The following DCTN6 variants were observed in gnomAD, a reference collection of about 807,000 sequenced individuals.
DCTN6 encodes the protein dynactin subunit 6.
Under a neutral mutation model 25.8 loss-of-function variants are expected in DCTN6, and 15 were observed. The ratio of observed to expected loss-of-function variants is 0.58; its 90% CI spans 0.39 to 0.89. The LOEUF is 0.89. DCTN6 is among the 40% of genes least tolerant of loss of function. The pLI, the probability that DCTN6 is intolerant of heterozygous loss-of-function variation, is 0.00. For synonymous variants in DCTN6, 64 were observed against 78.3 expected, an observed-to-expected ratio of 0.82 and a Z score of 0.96; for missense variants, 198 against 237.6, an observed-to-expected ratio of 0.83 and a Z score of 1.09.
At chr8:30,178,199 CAT>C (rs1803866805) in intron 4 of DCTN6, among the ~76,000 whole-genome samples, 1 of 152,118 alleles carries the variant, frequency 6.6e-6, no homozygotes, top group Non-Finnish European at 1.5e-5. Flanking sequence ...CACCGTGGTT[CAT>C]GTCCGTAATC....
chr8:30,180,980 C>G (rs1386246601), intron 6 of DCTN6: 2 of 311,600 alleles, frequency 6.4e-6, no homozygotes, highest in African/African-American at 4.3e-5. Context: ...GAGCCATGAT[C>G]ATGCCACTGC....
intron 2 of DCTN6, among the ~76,000 whole-genome samples, chr8:30,170,309 C>T (rs1803747054): frequency 6.6e-6 from 1 of 152,244 alleles, no homozygotes. Context: ...AGTTATTGCC[C>T]GTGACATTTG....
chr8:30,180,962 G>A, intron 6 of DCTN6: 1 of 338,398 alleles, frequency 3.0e-6, no homozygotes, highest in Non-Finnish European at 5.3e-6. Flanking sequence ...TGAGTGTGAG[G>A]TTACCATGAG....
chr8:30,158,698 T>G (rs546587238), intron 1 of DCTN6, among the ~76,000 whole-genome samples: 4 of 133,914 alleles, frequency 3.0e-5, no homozygotes, highest in Admixed American at 2.8e-4. Context: ...TTCAGTAGAT[T>G]GACTTTTTTT....
intron 1 of DCTN6, among the ~76,000 whole-genome samples, chr8:30,163,057 GGAGGCT>G (rs1328977367): frequency 7.2e-5 from 11 of 151,936 alleles, no homozygotes; most frequent in Non-Finnish European, 1.6e-4. Flanking sequence ...CAGCACTTTG[GGAGGCT>G]GAGGTGGGTG....
chr8:30,183,198 C>T lies in DCTN6; in HGVS notation c.*25C>T, dbSNP rs764035942. On this transcript the variant is annotated 3_prime_UTR_variant, in exon 7 of 7. Coordinates refer to ENST00000221114, the MANE Select transcript of DCTN6 (RefSeq NM_006571.4). ...AGAACAGTGTATAACATGAAGATAA[C>T]ATTTTGTCTTTGACCACTGTCTTTT... 9 of 1,595,730 alleles carry T rather than the reference C, an allele frequency of 5.6e-6. No individual in the cohort carries two copies. Among genetic ancestry groups the T allele is most frequent in the Non-Finnish European group, 7.7e-6 (9 of 1,164,954 alleles).
chr8:30,180,719 T>A (rs1393568334), intron 6 of DCTN6, 89 bp downstream of exon 6: 1 of 1,418,858 alleles, frequency 7.0e-7, no homozygotes. Flanking sequence ...AGGTACACTA[T>A]TTAAGAACAT....
intron 2 of DCTN6, among the ~76,000 whole-genome samples, chr8:30,170,849 G>C (rs1447337026): frequency 6.6e-6 from 1 of 151,720 alleles, no homozygotes; most frequent in Non-Finnish European, 1.5e-5. Context: ...CATGTTGCCC[G>C]GTCTCGAACT....
In DCTN6 at chr8:30,172,809, A is replaced by T. The variant is rs1020438143; in HGVS notation, c.89-2276A>T. ...TTACATCTGGAATAATATACTCCAA[A>T]CTTTTAAGAATAGCTAACTATTTTT... On this transcript the variant is annotated intron_variant, in intron 2 of 6. Coordinates refer to ENST00000221114, the MANE Select transcript of DCTN6 (RefSeq NM_006571.4). 9.2e-5 allele frequency among the ~76,000 whole-genome samples: 14 copies of T among 152,112 alleles called. No individual in the cohort carries two copies. The South Asian group carries it at 1.2e-3, about 13-fold the overall frequency.
chr8:30,177,400 A>C, intron 4 of DCTN6, 186 bp downstream of exon 4: 1 of 466,334 alleles, frequency 2.1e-6, no homozygotes, highest in Non-Finnish European at 3.7e-6. Context: ...TATTATAATT[A>C]CATTTTTAAA....
chr8:30,164,065 A>G (rs775935366), intron 1 of DCTN6, 46 bp from the exon 2 acceptor site: 4 of 1,498,142 alleles, frequency 2.7e-6, no homozygotes, highest in Non-Finnish European at 2.8e-6. Context: ...CTCCAACAGT[A>G]TGTTTAATCT....
chr8:30,182,706 T>A (rs1363279507), intron 6 of DCTN6, among the ~76,000 whole-genome samples: 1 of 150,824 alleles, frequency 6.6e-6, no homozygotes, highest in Non-Finnish European at 1.5e-5. Context: ...TTTTTTTTTT[T>A]CTTTGAGACA....
intron 5 of DCTN6, among the ~76,000 whole-genome samples, chr8:30,179,888 T>C (rs1803890012): frequency 6.6e-6 from 1 of 152,126 alleles, no homozygotes; most frequent in South Asian, 2.1e-4. Context: ...AGACAGGAGA[T>C]TACCTAAAGT....
chr8:30,178,255 G>A (rs1363712406), intron 4 of DCTN6, among the ~76,000 whole-genome samples: 3 of 152,016 alleles, frequency 2.0e-5, no homozygotes, highest in Non-Finnish European at 4.4e-5. Flanking sequence ...CCTGAGGTTG[G>A]GAGTTTGAGG....
At chr8:30,157,759 C>T (rs976068946) in intron 1 of DCTN6, among the ~76,000 whole-genome samples, 2 of 152,094 alleles carry the variant, frequency 1.3e-5, no homozygotes, top group Non-Finnish European at 2.9e-5. Context: ...CGAACAGCAG[C>T]AGTGTTGAGC....
chr8:30,175,717 T>C (rs1803824337), intron 3 of DCTN6, among the ~76,000 whole-genome samples: 1 of 152,178 alleles, frequency 6.6e-6, no homozygotes, highest in Non-Finnish European at 1.5e-5. Context: ...TACTAGAACA[T>C]GTGCATGATC....
At chr8:30,159,061 C>T (rs975510886) in intron 1 of DCTN6, among the ~76,000 whole-genome samples, 8 of 152,088 alleles carry the variant, frequency 5.3e-5, no homozygotes, top group African/African-American at 9.7e-5. Context: ...GGATTACAGG[C>T]GTGAGCCACT....
At chr8:30,161,776 C>G (rs989267335) in intron 1 of DCTN6, among the ~76,000 whole-genome samples, 18 of 144,456 alleles carry the variant, frequency 1.2e-4, no homozygotes, top group Non-Finnish European at 2.4e-4. Context: ...GAGACAGAGT[C>G]TCACTCTGTC....
chr8:30,175,136 C>G lies in DCTN6; in HGVS notation c.140C>G (p.Pro47Arg). ...PKARIIAEAGPIVIGEGNLIE... is the reference protein window; with the variant it reads ...PKARIIAEAGRIVIGEGNLIE... ...GCAAGAATTATTGCGGAAGCCGGGC[C>G]AATAGTGATTGGCGAAGGGAACCTA... Residue 47 changes from proline to arginine, a missense_variant, in exon 3 of 7, where the codon CCA becomes CGA. Physicochemically the swap from Pro to Arg is moderately radical, Grantham distance 103 (BLOSUM62 -2). Coordinates refer to ENST00000221114, the MANE Select transcript of DCTN6 (RefSeq NM_006571.4). 1 of 1,614,112 alleles carries G rather than the reference C, an allele frequency of 6.2e-7. No homozygotes were observed. Among genetic ancestry groups the G allele is most frequent in the Non-Finnish European group, 8.5e-7 (1 of 1,180,020 alleles).
Sources: allele counts gnomAD v4.1 joint callset (sites outside exome capture counted in the v4.1 genomes callset), GRCh38; gene constraint gnomAD v4.1.1; transcripts MANE v1.5; gene names NCBI Gene and HGNC (gene_info 2026-07-23, HGNC 2026-07-21).